RSRC1: variants seen among roughly 807,000 people sequenced by gnomAD.
RSRC1 encodes arginine and serine rich coiled-coil 1.
In RSRC1, 39 loss-of-function variants were observed where a neutral mutation model predicts 49.1. That is an observed-to-expected ratio of 0.79 (90% CI 0.61 to 1.04). RSRC1 has a LOEUF of 1.04. Ranked by LOEUF, RSRC1 falls within the 50% of genes least tolerant of loss-of-function variation. RSRC1 has a pLI of 0.00. For missense variants in RSRC1, 388 were observed against 402.4 expected (o/e 0.96, Z 0.31); for synonymous variants, 143 against 130.8 (o/e 1.09, Z -0.63).
chr3:158,194,910 G>A (rs1235764409), intron 3 of RSRC1, among the ~76,000 whole-genome samples: 2 of 152,126 alleles, frequency 1.3e-5, no homozygotes, highest in African/African-American at 2.4e-5. Flanking sequence ...TGGACATTTA[G>A]GATAGGTTCC....
intron 3 of RSRC1, among the ~76,000 whole-genome samples, chr3:158,194,610 T>A (rs916969008): frequency 6.6e-5 from 10 of 151,784 alleles, no homozygotes; most frequent in African/African-American, 2.4e-4. Context: ...ACTCGTCGTT[T>A]AACATTTGGT....
intron 1 of RSRC1, among the ~76,000 whole-genome samples, chr3:158,120,864 G>A (rs1221718386): frequency 1.3e-5 from 2 of 150,014 alleles, no homozygotes; most frequent in African/African-American, 2.4e-5. Context: ...GTTTTTATAT[G>A]ACTTTGAAAG....
intron 4 of RSRC1, among the ~76,000 whole-genome samples, chr3:158,255,553 T>G (rs976583571): frequency 2.0e-5 from 3 of 152,208 alleles, no homozygotes; most frequent in Non-Finnish European, 4.4e-5. Context: ...TGCGGGCTCT[T>G]TTTTGGTTCC....
At chr3:158,384,307 A>G (rs1481503848) in intron 6 of RSRC1, among the ~76,000 whole-genome samples, 2 of 152,178 alleles carry the variant, frequency 1.3e-5, no homozygotes, top group African/African-American at 2.4e-5. Context: ...AACAGAGTCT[A>G]TATGTCATGA....
At chr3:158,134,540 T>C (rs550707615) in intron 3 of RSRC1, among the ~76,000 whole-genome samples, 1 of 152,314 alleles carries the variant, frequency 6.6e-6, no homozygotes, top group South Asian at 2.1e-4. Context: ...TCATTTTGAA[T>C]AGCAAATGAA....
intron 8 of RSRC1, among the ~76,000 whole-genome samples, chr3:158,542,061 CT>C (rs1263661486): frequency 6.6e-6 from 1 of 151,712 alleles, no homozygotes; most frequent in Non-Finnish European, 1.5e-5. Flanking sequence ...TACATCGTAC[CT>C]TTTTTTCAAA....
Position 158,523,060 on chromosome 3 carries a change from G to A in RSRC1, c.653-14032G>A, listed in dbSNP as rs533464952. On this transcript the variant is annotated intron_variant, in intron 7 of 9. Coordinates refer to ENST00000611884, the MANE Select transcript of RSRC1 (RefSeq NM_001271838.2). ...GAAGAAATAAAGATTTGCAATAGCA[G>A]TATCTATTTGTGAGCAATAACATTT... Among the ~76,000 whole-genome samples the A allele has an allele frequency of 2.2e-4, 33 of 152,202 alleles. No individual in the cohort carries two copies. In the South Asian group the frequency reaches 6.6e-3, roughly 31 times the overall value.
intron 4 of RSRC1, among the ~76,000 whole-genome samples, chr3:158,205,251 C>T (rs1461014164): frequency 6.6e-6 from 1 of 152,016 alleles, no homozygotes; most frequent in African/African-American, 2.4e-5. Context: ...GTGCCCTTTC[C>T]CTTGCTTAGT....
intron 6 of RSRC1, among the ~76,000 whole-genome samples, chr3:158,452,685 A>T (rs1002215265): frequency 1.3e-5 from 2 of 152,206 alleles, no homozygotes; most frequent in African/African-American, 4.8e-5. Flanking sequence ...ATTTTGCTAG[A>T]TGTTTTTATT....
chr3:158,267,651 T>C (rs563792857), intron 4 of RSRC1, among the ~76,000 whole-genome samples: 1 of 152,068 alleles, frequency 6.6e-6, no homozygotes, highest in East Asian at 1.9e-4. Context: ...TTTTTTTAAA[T>C]TTTGCTTTTA....
chr3:158,246,723 G>A (rs1486186752), intron 4 of RSRC1, among the ~76,000 whole-genome samples: 1 of 152,100 alleles, frequency 6.6e-6, no homozygotes, highest in African/African-American at 2.4e-5. Context: ...ATCTTTTCTG[G>A]CTTGTAGGGT....
chr3:158,110,646 A>G (rs1202716121), intron 1 of RSRC1: 3 of 152,280 alleles, frequency 2.0e-5, no homozygotes, highest in Non-Finnish European at 4.4e-5. Flanking sequence ...GGTGCCCTCT[A>G]TCCCATCCAC....
At chr3:158,129,047 T>A (rs74519827) in intron 3 of RSRC1, among the ~76,000 whole-genome samples, 1 of 152,108 alleles carries the variant, frequency 6.6e-6, no homozygotes, top group African/African-American at 2.4e-5. Flanking sequence ...GCCTGTGAAG[T>A]TACTATCTTT....
chr3:158,199,122 G>C (rs1193250408), intron 3 of RSRC1, among the ~76,000 whole-genome samples: 1 of 152,082 alleles, frequency 6.6e-6, no homozygotes, highest in Non-Finnish European at 1.5e-5. Flanking sequence ...GAGATCTGAA[G>C]GTAAAAACGG....
chr3:158,144,040 A>G (rs1238812810), intron 3 of RSRC1, among the ~76,000 whole-genome samples: 1 of 152,226 alleles, frequency 6.6e-6, no homozygotes, highest in Non-Finnish European at 1.5e-5. Flanking sequence ...TGTAAAGTCC[A>G]TCAAAGGACA....
At chr3:158,292,520 C>G (rs1179271018) in intron 4 of RSRC1, among the ~76,000 whole-genome samples, 1 of 152,138 alleles carries the variant, frequency 6.6e-6, no homozygotes, top group Non-Finnish European at 1.5e-5. Flanking sequence ...ACCATTTTAT[C>G]AGTTTTGAGA....
intron 4 of RSRC1, among the ~76,000 whole-genome samples, chr3:158,261,655 C>G (rs1475882588): frequency 6.6e-6 from 1 of 152,142 alleles, no homozygotes; most frequent in African/African-American, 2.4e-5. Flanking sequence ...CTGAGCTCTG[C>G]CTTGTGTCAG....
intron 5 of RSRC1, among the ~76,000 whole-genome samples, chr3:158,344,230 G>C (rs1730423836): frequency 6.6e-6 from 1 of 152,128 alleles, no homozygotes; most frequent in African/African-American, 2.4e-5. Flanking sequence ...TTGCACTTCA[G>C]CCTAGCCGAC....
intron 6 of RSRC1, among the ~76,000 whole-genome samples, chr3:158,367,422 A>C (rs1731829474): frequency 6.6e-6 from 1 of 152,126 alleles, no homozygotes; most frequent in South Asian, 2.1e-4. Flanking sequence ...GGTTCTGTTT[A>C]TGTGATGGAT....
Sources: gnomAD v4.1 joint callset for allele counts (sites outside exome capture counted in the v4.1 genomes callset) on GRCh38, gnomAD v4.1.1 for gene constraint, MANE v1.5 for transcripts, NCBI Gene and HGNC (gene_info 2026-07-23, HGNC 2026-07-21) for gene names.